The following GABRG3 variants were observed in gnomAD, a reference collection of about 807,000 sequenced individuals.
GABRG3 encodes gamma-aminobutyric acid receptor subunit gamma-3.
GABRG3 carries 25 observed loss-of-function variants against 48.8 expected under a neutral mutation model. That is an observed-to-expected ratio of 0.51 (90% CI 0.37 to 0.72). The LOEUF is 0.72. Ranked by LOEUF, GABRG3 falls within the 30% of genes least tolerant of loss-of-function variation. GABRG3 has a pLI of 0.00. For missense variants in GABRG3, 394 were observed against 577.9 expected (o/e 0.68, Z 3.26); for synonymous variants, 227 against 217.6 (o/e 1.04, Z -0.38).
intron 3 of GABRG3, among the ~76,000 whole-genome samples, chr15:27,182,751 G>A (rs1319410139): frequency 6.6e-6 from 1 of 152,162 alleles, no homozygotes; most frequent in Admixed American, 6.5e-5. Flanking sequence ...CGCTGAATTT[G>A]CAACTGCTGG....
intron 5 of GABRG3, among the ~76,000 whole-genome samples, chr15:27,415,532 G>T (rs372341889): frequency 9.7e-4 from 147 of 152,230 alleles, no homozygotes; most frequent in African/African-American, 3.5e-3. Flanking sequence ...GGGGACCGGG[G>T]GAAAGGGTGG....
At chr15:27,045,502 T>C (rs760119741) in intron 3 of GABRG3, among the ~76,000 whole-genome samples, 3 of 152,170 alleles carry the variant, frequency 2.0e-5, no homozygotes, top group Non-Finnish European at 4.4e-5. Context: ...AGATAAACTA[T>C]CTAGAATGAA....
At chr15:26,984,563 C>T (rs1484208457) in intron 2 of GABRG3, among the ~76,000 whole-genome samples, 3 of 152,282 alleles carry the variant, frequency 2.0e-5, no homozygotes, top group South Asian at 2.1e-4. Flanking sequence ...CCTTCTTTAT[C>T]CATCCTTTTA....
intron 3 of GABRG3, among the ~76,000 whole-genome samples, chr15:27,028,218 G>T (rs1259556925): frequency 6.6e-6 from 1 of 152,190 alleles, no homozygotes; most frequent in Non-Finnish European, 1.5e-5. Flanking sequence ...GACTTCTCCA[G>T]TGAGGTCCTC....
intron 2 of GABRG3, among the ~76,000 whole-genome samples, chr15:27,010,652 C>G (rs1895667860): frequency 6.6e-6 from 1 of 152,110 alleles, no homozygotes; most frequent in African/African-American, 2.4e-5. Context: ...ACATTTCCCT[C>G]TCCCCTTTCT....
chr15:27,450,181 T>C (rs1889067169), intron 5 of GABRG3, among the ~76,000 whole-genome samples: 1 of 152,160 alleles, frequency 6.6e-6, no homozygotes, highest in Non-Finnish European at 1.5e-5. Context: ...GAAAAACCTG[T>C]CTTTTGCAAC....
chr15:27,015,149 A>G (rs942104977), intron 2 of GABRG3, among the ~76,000 whole-genome samples: 1 of 152,100 alleles, frequency 6.6e-6, no homozygotes, highest in Non-Finnish European at 1.5e-5. Context: ...CTTTTAACCT[A>G]TGTATGTCCT....
chr15:27,049,896 T>C (rs574431693), intron 3 of GABRG3, among the ~76,000 whole-genome samples: 12 of 152,342 alleles, frequency 7.9e-5, no homozygotes, highest in Non-Finnish European at 1.3e-4. Context: ...CCTCTGTTTT[T>C]GTATTTGTTA....
At chr15:27,353,910 C>T (rs1894741220) in intron 5 of GABRG3, among the ~76,000 whole-genome samples, 1 of 152,194 alleles carries the variant, frequency 6.6e-6, no homozygotes. Flanking sequence ...TTGCCTCTCC[C>T]ACCCCATGGG....
intron 6 of GABRG3, among the ~76,000 whole-genome samples, chr15:27,481,652 A>G (rs541724350): frequency 6.6e-6 from 1 of 152,348 alleles, no homozygotes; most frequent in East Asian, 1.9e-4. Context: ...AGAGCTATTG[A>G]CACATCAAGA....
At chr15:27,182,226 C>A (rs1364214763) in intron 3 of GABRG3, among the ~76,000 whole-genome samples, 1 of 152,136 alleles carries the variant, frequency 6.6e-6, no homozygotes, top group African/African-American at 2.4e-5. Context: ...GCCACATGTT[C>A]TATGCTGAAA....
intron 5 of GABRG3, among the ~76,000 whole-genome samples, chr15:27,433,936 A>C (rs193161495): frequency 7.9e-5 from 12 of 152,334 alleles, no homozygotes; most frequent in Admixed American, 2.0e-4. Flanking sequence ...TTTTCTAGCA[A>C]ATGTTTACCT....
intron 6 of GABRG3, among the ~76,000 whole-genome samples, chr15:27,486,293 A>G (rs1306601567): frequency 6.6e-6 from 1 of 152,172 alleles, no homozygotes; most frequent in Non-Finnish European, 1.5e-5. Context: ...TTATAAGACC[A>G]CAAATAGGCT....
intron 3 of GABRG3, among the ~76,000 whole-genome samples, chr15:27,242,116 G>A (rs1890144898): frequency 6.6e-6 from 1 of 152,190 alleles, no homozygotes; most frequent in Non-Finnish European, 1.5e-5. Flanking sequence ...TGGCCCAACT[G>A]CTGCACCAGC....
intron 2 of GABRG3, among the ~76,000 whole-genome samples, chr15:27,001,333 C>T (rs1895442750): frequency 6.6e-6 from 1 of 152,186 alleles, no homozygotes; most frequent in South Asian, 2.1e-4. Context: ...CCTTTCCTGT[C>T]ACCCCTCTGA....
intron 3 of GABRG3, among the ~76,000 whole-genome samples, chr15:27,057,924 T>G (rs1896578670): frequency 1.3e-5 from 2 of 152,202 alleles, no homozygotes; most frequent in African/African-American, 4.8e-5. Flanking sequence ...AGAGGATGTG[T>G]GCATTGGCCT....
At chr15:27,448,728 A>G (rs1436330438) in intron 5 of GABRG3, among the ~76,000 whole-genome samples, 1 of 152,206 alleles carries the variant, frequency 6.6e-6, no homozygotes, top group Non-Finnish European at 1.5e-5. Context: ...AACTACACAA[A>G]AAGCAGAAAA....
chr15:26,992,404 T>A (rs1895265239), intron 2 of GABRG3, among the ~76,000 whole-genome samples: 1 of 152,200 alleles, frequency 6.6e-6, no homozygotes, highest in Admixed American at 6.5e-5. Flanking sequence ...GATATGTTCC[T>A]TCTACACCCA....
At chr15:27,367,337 C>A (rs768551043) in intron 5 of GABRG3, among the ~76,000 whole-genome samples, 1 of 152,204 alleles carries the variant, frequency 6.6e-6, no homozygotes, top group Non-Finnish European at 1.5e-5. Context: ...TTGACCTATC[C>A]TGGATGGACC....
Sources: allele counts gnomAD v4.1 joint callset (sites outside exome capture counted in the v4.1 genomes callset), GRCh38; gene constraint gnomAD v4.1.1; transcripts MANE v1.5; gene names NCBI Gene and HGNC (gene_info 2026-07-23, HGNC 2026-07-21).